OSBPL3: variants seen among roughly 807,000 people sequenced by gnomAD.
OSBPL3 encodes the protein oxysterol-binding protein-related protein 3.
Under a neutral mutation model 120.1 loss-of-function variants are expected in OSBPL3, and 65 were observed. The observed-to-expected ratio is 0.54, with a 90% CI of 0.44 to 0.67. OSBPL3 has a LOEUF of 0.67. Ranked by LOEUF, OSBPL3 falls within the 30% of genes least tolerant of loss-of-function variation. The pLI, the probability that OSBPL3 is intolerant of heterozygous loss-of-function variation, is 0.00. For missense variants in OSBPL3, 1,004 were observed against 1,082.1 expected (o/e 0.93, Z 1.01); for synonymous variants, 416 against 402.6 (o/e 1.03, Z -0.40).
At chr7:24,970,390 GC>G (rs1279096695) in intron 1 of OSBPL3, among the ~76,000 whole-genome samples, 5 of 152,176 alleles carry the variant, frequency 3.3e-5, no homozygotes, top group African/African-American at 1.2e-4. Context: ...ATAGGCGTGA[GC>G]CATCGCACTC....
intron 1 of OSBPL3, among the ~76,000 whole-genome samples, chr7:24,962,006 C>A (rs188675572): frequency 1.3e-5 from 2 of 152,244 alleles, no homozygotes; most frequent in East Asian, 1.9e-4. Flanking sequence ...CATCAACCTT[C>A]CTGTTGTTTA....
intron 2 of OSBPL3, among the ~76,000 whole-genome samples, chr7:24,880,213 G>A (rs557601878): frequency 1.3e-5 from 2 of 152,166 alleles, no homozygotes; most frequent in African/African-American, 4.8e-5. Flanking sequence ...TTACAGATGA[G>A]AAAATTGAAG....
At chr7:24,976,565 G>C (rs1817615881) in intron 1 of OSBPL3, among the ~76,000 whole-genome samples, 2 of 152,054 alleles carry the variant, frequency 1.3e-5, no homozygotes, top group African/African-American at 4.8e-5. Flanking sequence ...TTCCAGAAGG[G>C]GCCAGAAAGC....
At position 24,896,811 on chromosome 7, in the gene OSBPL3, C is replaced by T. The variant is rs923183114; in HGVS notation, c.-149-4190G>A. Among the ~76,000 whole-genome samples, 1 of 152,188 alleles carries T rather than the reference C, an allele frequency of 6.6e-6. No individual in the cohort carries two copies. The highest frequency in any genetic ancestry group is 2.4e-5 in the African/African-American group (1 of 41,442). ...ATTTGGCCAGGTGGAGTGGCTCATG[C>T]CTATAATCCCAGCAATTTAGGAGGT... On this transcript the variant is annotated intron_variant, in intron 1 of 22. Coordinates refer to ENST00000313367, the MANE Select transcript of OSBPL3 (RefSeq NM_015550.4). This position sits in a 1 kb window ranked among gnomAD's most constrained non-coding sequence, Gnocchi z 4.4.
At position 24,831,047 on chromosome 7, in the gene OSBPL3, G is replaced by A; in HGVS notation, c.1747-142C>T. 1.3e-6 allele frequency: 1 copy of A among 768,214 alleles called. No individual in the cohort carries two copies. Among genetic ancestry groups the A allele is most frequent in the Non-Finnish European group, 1.9e-6 (1 of 513,952 alleles). The allele number at this position is 768,214 out of a possible 1,614,324, so 47.6% of individuals were successfully genotyped here. A position where few individuals can be genotyped will look rare whatever the true frequency, so the allele number is the denominator to read the frequency against. On this transcript the variant is annotated intron_variant, in intron 15 of 22. Coordinates refer to ENST00000313367, the MANE Select transcript of OSBPL3 (RefSeq NM_015550.4). The surrounding 1 kb of genome is among the most constrained non-coding windows in gnomAD (Gnocchi z 4.0). ...CTTTGGTTGTTTTTAAACAACATAGGTTTAAAATTGTAGGTTTAAATAATG... is the reference window on the plus strand; with the variant it reads ...CTTTGGTTGTTTTTAAACAACATAGATTTAAAATTGTAGGTTTAAATAATG...
At chr7:24,924,420 G>A (rs539344626) in intron 1 of OSBPL3, among the ~76,000 whole-genome samples, 11 of 152,200 alleles carry the variant, frequency 7.2e-5, no homozygotes, top group East Asian at 1.9e-4. Flanking sequence ...AATAAAGAGC[G>A]AAAAAGTAGT....
Position 24,851,449 on chromosome 7 carries a change from T to C in OSBPL3, c.1158+1055A>G, listed in dbSNP as rs1412974981. Among the ~76,000 whole-genome samples, 2 of 152,194 alleles carry C rather than the reference T, an allele frequency of 1.3e-5. No individual in the cohort carries two copies. Among genetic ancestry groups the C allele is most frequent in the African/African-American group, 4.8e-5 (2 of 41,454 alleles). Reference sequence around the variant, plus strand: ...ACTGGCAGAGGATTTATCACTAACATTATATTAAGAGCATCACTTTTCTTG... The same window carrying C: ...ACTGGCAGAGGATTTATCACTAACACTATATTAAGAGCATCACTTTTCTTG... On this transcript the variant is annotated intron_variant, in intron 11 of 22. Transcript: ENST00000313367. This position sits in a 1 kb window ranked among gnomAD's most constrained non-coding sequence, Gnocchi z 4.1.
intron 1 of OSBPL3, among the ~76,000 whole-genome samples, chr7:24,978,196 G>A (rs763251601): frequency 8.5e-5 from 13 of 152,086 alleles, no homozygotes; most frequent in Admixed American, 7.9e-4. Context: ...AGTTTAATGC[G>A]GTAATGTACA....
chr7:24,821,994 C>A lies in OSBPL3; in HGVS notation c.1885-1756G>T, dbSNP rs1250932503. Among the ~76,000 whole-genome samples the A allele has an allele frequency of 1.3e-5, 2 of 152,172 alleles. No individual in the cohort carries two copies. The highest frequency in any genetic ancestry group is 4.8e-5 in the African/African-American group (2 of 41,448). ...GCTCAAGTGATCCTCCTGTCTCAGC[C>A]TCTCAAGTTGCTGGGACTAAAGGTG... On this transcript the variant is annotated intron_variant, in intron 16 of 22. Transcript: ENST00000313367. The surrounding 1 kb of genome is among the most constrained non-coding windows in gnomAD (Gnocchi z 5.5).
At chr7:24,948,165 G>C (rs1264996522) in intron 1 of OSBPL3, among the ~76,000 whole-genome samples, 1 of 152,136 alleles carries the variant, frequency 6.6e-6, no homozygotes, top group Non-Finnish European at 1.5e-5. Flanking sequence ...TTCTCAAGTG[G>C]TTTCAAGTCT....
chr7:24,835,798 A>C lies in OSBPL3; in HGVS notation c.1496-1062T>G, dbSNP rs1796929082. Among the ~76,000 whole-genome samples the C allele has an allele frequency of 6.6e-6, 1 of 152,160 alleles. No individual in the cohort carries two copies. Among genetic ancestry groups the C allele is most frequent in the Non-Finnish European group, 1.5e-5 (1 of 68,036 alleles). The stretch of plus-strand genomic sequence containing the variant: ...TGGAGCTGGAGGCCGTTAACTAAGC[A>C]AACTAACACAGGAAGAGAAAACCAA... On this transcript the variant is annotated intron_variant, in intron 14 of 22. Coordinates refer to ENST00000313367, the MANE Select transcript of OSBPL3 (RefSeq NM_015550.4). This position sits in a 1 kb window ranked among gnomAD's most constrained non-coding sequence, Gnocchi z 4.8.
rs981258164 is a variant in OSBPL3, at chr7:24,891,555, C to G, written c.96+822G>C. On this transcript the variant is annotated intron_variant, in intron 2 of 22. Transcript: ENST00000313367. The surrounding 1 kb of genome is among the most constrained non-coding windows in gnomAD (Gnocchi z 4.1). ...AGAAGCAGCAGGTGCTGAAAAGGCT[C>G]AGAGACCACTTTGGTCATAAATTCA... 2.0e-5 allele frequency among the ~76,000 whole-genome samples: 3 copies of G among 152,190 alleles called. No homozygotes were observed. The highest frequency in any genetic ancestry group is 7.2e-5 in the African/African-American group (3 of 41,454).
intron 1 of OSBPL3, among the ~76,000 whole-genome samples, chr7:24,895,195 C>T (rs1805956570): frequency 6.6e-6 from 1 of 152,288 alleles, no homozygotes; most frequent in Non-Finnish European, 1.5e-5. Flanking sequence ...GATATATAGT[C>T]GCATGCCACA....
chr7:24,917,401 C>CATAT (rs59525014), intron 1 of OSBPL3, among the ~76,000 whole-genome samples: 1,916 of 99,868 alleles, frequency 0.019, 44 homozygotes, highest in East Asian at 0.033. Context: ...ATATTTGTAA[C>CATAT]ATATATATAT....
In OSBPL3 at chr7:24,824,999, G is replaced by A. The variant is rs1795533180; in HGVS notation, c.1885-4761C>T. 4.6e-5 allele frequency among the ~76,000 whole-genome samples: 7 copies of A among 152,232 alleles called. 1 individual carries two copies. The South Asian group carries it at 1.4e-3, about 32-fold the overall frequency. On this transcript the variant is annotated intron_variant, in intron 16 of 22. Coordinates refer to ENST00000313367, the MANE Select transcript of OSBPL3 (RefSeq NM_015550.4). The surrounding 1 kb of genome is among the most constrained non-coding windows in gnomAD (Gnocchi z 4.9). ...CCAGTCTGGCAGAGCTAAATGAGGA[G>A]GTGGGGTAAGTAGGAGAAGTGTCTG...
intron 1 of OSBPL3, among the ~76,000 whole-genome samples, chr7:24,919,940 C>G (rs1484991044): frequency 2.0e-5 from 3 of 151,764 alleles, no homozygotes; most frequent in Non-Finnish European, 4.4e-5. Flanking sequence ...TAAGGAAATG[C>G]AAATCAAAAC....
rs1386709593 is a variant in OSBPL3 at position 24,968,043 on chromosome 7, G to GTAATACA, written c.-150+11836_-150+11842dup. Among the ~76,000 whole-genome samples, 23 of 152,282 alleles carry GTAATACA rather than the reference G, an allele frequency of 1.5e-4. No individual in the cohort carries two copies. Among genetic ancestry groups the GTAATACA allele is most frequent in the African/African-American group, 5.5e-4 (23 of 41,548 alleles). On this transcript the variant is annotated intron_variant, in intron 1 of 22. Transcript: ENST00000313367. The surrounding 1 kb of genome is among the most constrained non-coding windows in gnomAD (Gnocchi z 4.6). ...GGTTTGCTTTATATATTTACTTGGA[G>GTAATACA]TAATACATTTACTTGGAATAATATT...
At position 24,891,125 on chromosome 7, in the gene OSBPL3, A is replaced by G. The variant is rs1805286090; in HGVS notation, c.96+1252T>C. Among the ~76,000 whole-genome samples the G allele has an allele frequency of 6.6e-6, 1 of 152,218 alleles. No individual in the cohort carries two copies. The highest frequency in any genetic ancestry group is 2.1e-4 in the South Asian group (1 of 4,822). On this transcript the variant is annotated intron_variant, in intron 2 of 22. Coordinates refer to ENST00000313367, the MANE Select transcript of OSBPL3 (RefSeq NM_015550.4). The surrounding 1 kb of genome is among the most constrained non-coding windows in gnomAD (Gnocchi z 4.1). ...AAAAATACTCCTGTGGAAAGCTGAC[A>G]AAGAGGACAAGCACAGTGACCCTCA...
intron 1 of OSBPL3, among the ~76,000 whole-genome samples, chr7:24,976,881 G>T (rs1258231666): frequency 1.3e-5 from 2 of 152,186 alleles, no homozygotes. Context: ...TGAAGTGGAA[G>T]AAAGAAGGAA....
Sources: allele counts gnomAD v4.1 joint callset (sites outside exome capture counted in the v4.1 genomes callset), GRCh38; gene constraint gnomAD v4.1.1; non-coding constraint Gnocchi (gnomAD v3.1); transcripts MANE v1.5; gene names NCBI Gene and HGNC (gene_info 2026-07-23, HGNC 2026-07-21).